ZMYM4: variants seen among roughly 807,000 people sequenced by gnomAD.
ZMYM4 encodes zinc finger MYM-type protein 4.
Under a neutral mutation model 183.2 loss-of-function variants are expected in ZMYM4, and 31 were observed. That is an observed-to-expected ratio of 0.17 (90% CI 0.13 to 0.23). The LOEUF is 0.23. ZMYM4 is among the 10% of genes least tolerant of loss of function. The probability of loss-of-function intolerance (pLI) is 1.00; values close to 1 mark genes in which losing one functional copy is unlikely to be tolerated. For missense variants in ZMYM4, 1,273 were observed against 1,840.3 expected (o/e 0.69, Z 5.64); for synonymous variants, 592 against 631.2 (o/e 0.94, Z 0.93).
At position 35,270,444 on chromosome 1, in the gene ZMYM4, A is replaced by G. The variant is rs560796102; in HGVS notation, c.39+1359A>G. On this transcript the variant is annotated intron_variant, in intron 1 of 29. Coordinates refer to ENST00000314607, the MANE Select transcript of ZMYM4 (RefSeq NM_005095.3). ...CTTACGGGGAGCAGTCATACACCCAACCGCCTAGATCCTACTGTTAACATT... is the reference window on the plus strand; with the variant it reads ...CTTACGGGGAGCAGTCATACACCCAGCCGCCTAGATCCTACTGTTAACATT... Among the ~76,000 whole-genome samples the G allele has an allele frequency of 9.9e-5, 15 of 152,230 alleles. No individual in the cohort carries two copies. The East Asian group carries it at 1.2e-3, about 12-fold the overall frequency.
intron 2 of ZMYM4, chr1:35,351,424 T>TG: frequency 6.4e-7 from 1 of 1,573,946 alleles, no homozygotes; most frequent in East Asian, 2.2e-5. Context: ...CCAGACATGA[T>TG]GGAGGAGATG....
chr1:35,284,157 T>A (rs543612286), intron 1 of ZMYM4, among the ~76,000 whole-genome samples: 1 of 151,824 alleles, frequency 6.6e-6, no homozygotes, highest in South Asian at 2.1e-4. Context: ...TTTGTATTTT[T>A]AGTAGAGACG....
At chr1:35,341,188 T>C (rs1056760945) in intron 2 of ZMYM4, among the ~76,000 whole-genome samples, 2 of 152,172 alleles carry the variant, frequency 1.3e-5, no homozygotes, top group African/African-American at 4.8e-5. Context: ...ATTTATCTGC[T>C]GGGTCAAGCC....
intron 2 of ZMYM4, among the ~76,000 whole-genome samples, chr1:35,340,649 G>A (rs968044290): frequency 6.6e-6 from 1 of 152,022 alleles, no homozygotes; most frequent in East Asian, 1.9e-4. Context: ...AGAATTTAAT[G>A]CTGCTCTCCT....
At chr1:35,288,875 C>T (rs1640627682) in intron 1 of ZMYM4, among the ~76,000 whole-genome samples, 1 of 152,118 alleles carries the variant, frequency 6.6e-6, no homozygotes, top group African/African-American at 2.4e-5. Flanking sequence ...TATCAGTTCA[C>T]TTTAGGAGAT....
chr1:35,364,213 T>C (rs752458231), intron 5 of ZMYM4, among the ~76,000 whole-genome samples: 2 of 152,210 alleles, frequency 1.3e-5, no homozygotes. Flanking sequence ...CCCTGATTGA[T>C]TGGACTTGAG....
rs145589967 is a variant in ZMYM4, at chr1:35,389,684, G to A, written c.2437-264G>A. Among the ~76,000 whole-genome samples the A allele has an allele frequency of 0.017, 2,624 of 151,738 alleles. 72 individuals are homozygous for A. Among genetic ancestry groups the A allele is most frequent in the African/African-American group, 0.059 (2,442 of 41,320 alleles). ...GCAGGAGAATTGCATGAACCCAGGA[G>A]GTGGAGCTTGCAGTGAGCTGAGATC... is the stretch of plus-strand genomic sequence containing the variant. On this transcript the variant is annotated intron_variant, in intron 14 of 29. Coordinates refer to ENST00000314607, the MANE Select transcript of ZMYM4 (RefSeq NM_005095.3). The surrounding 1 kb of genome is among the most constrained non-coding windows in gnomAD (Gnocchi z 4.0).
Position 35,398,457 on chromosome 1 carries a change from T to C in ZMYM4, c.3244T>C (p.Phe1082Leu), listed in dbSNP as rs1644847274. 2 of 1,611,860 alleles carry C rather than the reference T, an allele frequency of 1.2e-6. No individual in the cohort carries two copies. The highest frequency in any genetic ancestry group is 1.7e-6 in the Non-Finnish European group (2 of 1,179,238). The change falls in exon 21 of 30, where the codon TTT (phenylalanine) becomes CTT (leucine). Residue 1082 changes from phenylalanine (F) to leucine (L), a missense_variant. This residue lies in a region of ZMYM4 where 290 missense variants were observed against 353.3 expected (regional missense o/e 0.82). Transcript: ENST00000314607. Reference protein sequence around the residue: ...EHELFLDTKIFEKDQGSTYSG... With the variant: ...EHELFLDTKILEKDQGSTYSG... ...CGAACTCTTTCTAGACACCAAGATA[T>C]TTGAAAAAGGTTTGTAGTTGAAAAT... is the stretch of plus-strand genomic sequence containing the variant.
chr1:35,353,287 ATTC>A (rs1472564512), intron 2 of ZMYM4, among the ~76,000 whole-genome samples: 6 of 152,166 alleles, frequency 3.9e-5, no homozygotes, highest in South Asian at 2.1e-4. Flanking sequence ...TCCTGCTTCC[ATTC>A]TTCTTCTGCT....
At chr1:35,281,283 C>CA (rs140464833) in intron 1 of ZMYM4, among the ~76,000 whole-genome samples, 337 of 109,396 alleles carry the variant, frequency 3.1e-3, no homozygotes, top group Middle Eastern at 0.01. Flanking sequence ...GACTCCATCT[C>CA]AAAAAAAAAA....
chr1:35,312,049 G>A (rs183221938), intron 1 of ZMYM4, among the ~76,000 whole-genome samples: 23 of 152,104 alleles, frequency 1.5e-4, no homozygotes, highest in African/African-American at 4.8e-4. Flanking sequence ...ACCATACCCT[G>A]CCTGTTTTTC....
At chr1:35,330,474 TCTGAA>T (rs1392547043) in intron 2 of ZMYM4, among the ~76,000 whole-genome samples, 1 of 152,148 alleles carries the variant, frequency 6.6e-6, no homozygotes, top group East Asian at 1.9e-4. Context: ...AAGGCACACT[TCTGAA>T]CAGAATCAGC....
chr1:35,275,474 G>A (rs917192914), intron 1 of ZMYM4, among the ~76,000 whole-genome samples: 3 of 152,046 alleles, frequency 2.0e-5, no homozygotes, highest in African/African-American at 4.8e-5. Context: ...TGATCTGCCC[G>A]CCTCAGCCTC....
chr1:35,381,916 G>A (rs371587816), intron 9 of ZMYM4, among the ~76,000 whole-genome samples, 158 bp downstream of exon 9: 162 of 151,904 alleles, frequency 1.1e-3, no homozygotes, highest in Middle Eastern at 3.4e-3. Context: ...AGGCTGAGGC[G>A]GGCAGATCAC....
At chr1:35,363,614 G>A (rs544981388) in intron 5 of ZMYM4, among the ~76,000 whole-genome samples, 1 of 152,248 alleles carries the variant, frequency 6.6e-6, no homozygotes, top group East Asian at 1.9e-4. Context: ...ATGTGTTAGG[G>A]TAGTGATAAA....
At chr1:35,326,503 A>G (rs921178094) in intron 2 of ZMYM4, among the ~76,000 whole-genome samples, 3 of 152,206 alleles carry the variant, frequency 2.0e-5, no homozygotes, top group African/African-American at 7.2e-5. Context: ...TGCATCATTT[A>G]TGTACTTTTC....
At position 35,367,803 on chromosome 1, in the gene ZMYM4, C is replaced by T. The variant is rs192179204; in HGVS notation, c.841-2226C>T. ...CCAGCCTGGCCAACATGTTGAAACC[C>T]CATCTCTACTAAAAATACAAAAATT... On this transcript the variant is annotated intron_variant, in intron 5 of 29. Coordinates refer to ENST00000314607, the MANE Select transcript of ZMYM4 (RefSeq NM_005095.3). Among the ~76,000 whole-genome samples the T allele has an allele frequency of 1.5e-3, 225 of 151,848 alleles. 1 individual carries two copies. The highest frequency in any genetic ancestry group is 4.6e-3 in the African/African-American group (190 of 41,448).
At position 35,381,390 on chromosome 1, in the gene ZMYM4, A is replaced by G. The variant is rs781116242; in HGVS notation, c.1313A>G (p.Asn438Ser). The change falls in exon 8 of 30, where the codon AAT (asparagine) becomes AGT (serine). Residue 438 changes from asparagine to serine, a missense_variant. Around this residue, in one of 6 missense-constraint regions of ZMYM4, gnomAD observed 319 missense variants for 518.1 expected, o/e 0.62. Transcript: ENST00000314607. ...AAACCTATTGTTACCATAAATACAA[A>G]TAGTATTTCAACCAAATGCAGCATG... ...KKKPIVTINT[N>S]SISTKCSMCQ... The G allele has an allele frequency of 3.7e-5, 59 of 1,610,842 alleles. No individual in the cohort carries two copies. The Admixed American group carries it at 9.1e-4, about 25-fold the overall frequency.
At chr1:35,344,157 G>A (rs1056716992) in intron 2 of ZMYM4, among the ~76,000 whole-genome samples, 1 of 151,692 alleles carries the variant, frequency 6.6e-6, no homozygotes. Flanking sequence ...GGGTTCAAGC[G>A]ATTCTCGTGC....
Sources: allele counts gnomAD v4.1 joint callset (sites outside exome capture counted in the v4.1 genomes callset), GRCh38; gene constraint gnomAD v4.1.1; regional missense constraint gnomAD v4.1.1; non-coding constraint Gnocchi (gnomAD v3.1); transcripts MANE v1.5; gene names NCBI Gene and HGNC (gene_info 2026-07-23, HGNC 2026-07-21).